The following CROT variants were observed in gnomAD, a reference collection of about 807,000 sequenced individuals.
CROT encodes peroxisomal carnitine O-octanoyltransferase.
Under a neutral mutation model 89.2 loss-of-function variants are expected in CROT, and 84 were observed. That is an observed-to-expected ratio of 0.94 (90% CI 0.79 to 1.13). CROT has a LOEUF of 1.13. Among genes scored for constraint, CROT ranks in the 50% most tolerant of loss-of-function variants. The pLI, the probability that CROT is intolerant of heterozygous loss-of-function variation, is 0.00. For synonymous variants in CROT, 212 were observed against 239.5 expected (o/e 0.89, Z 1.06); for missense variants, 711 against 727.8 (o/e 0.98, Z 0.27).
rs1324147184 is a variant in CROT, at chr7:87,359,251, T to C, written c.161T>C (p.Ile54Thr). ...NQEEYKKTEE[I>T]VQKFQSGIGE... The stretch of plus-strand genomic sequence containing the variant: ...GAAGAATATAAGAAAACTGAAGAAA[T>C]AGTTCAAAAATTTCAAAGTGGGATT... The change falls in exon 4 of 18, where the codon ATA becomes ACA. Residue 54 changes from isoleucine (I) to threonine (T), a missense_variant. By Grantham distance (89) the Ile-to-Thr change is moderately conservative. Transcript: ENST00000331536. The C allele has an allele frequency of 3.8e-6, 6 of 1,590,470 alleles. No individual in the cohort carries two copies. The highest frequency in any genetic ancestry group is 4.3e-6 in the Non-Finnish European group (5 of 1,161,358).
intron 6 of CROT, among the ~76,000 whole-genome samples, chr7:87,365,939 G>A (rs1188542550): frequency 1.3e-5 from 2 of 151,888 alleles, no homozygotes; most frequent in Non-Finnish European, 2.9e-5. Context: ...CTACCCCCTA[G>A]GAGACCATTA....
At chr7:87,382,682 C>A in intron 13 of CROT, 139 bp downstream of exon 13, 1 of 781,294 alleles carries the variant, frequency 1.3e-6, no homozygotes, top group Non-Finnish European at 2.0e-6. Flanking sequence ...GTACTTCCAT[C>A]AATAGAGTAT....
chr7:87,369,719 T>A (rs2115886970), intron 7 of CROT: 1 of 189,772 alleles, frequency 5.3e-6, no homozygotes, highest in South Asian at 1.4e-4. Flanking sequence ...TATTACCAAT[T>A]CCATTCCCTG....
At chr7:87,372,426 A>T (rs1342135233) in intron 7 of CROT, among the ~76,000 whole-genome samples, 1 of 152,214 alleles carries the variant, frequency 6.6e-6, no homozygotes, top group Non-Finnish European at 1.5e-5. Flanking sequence ...AATTTGACAT[A>T]TAATTATTAG....
At chr7:87,350,805 G>A (rs1236808843) in intron 3 of CROT, among the ~76,000 whole-genome samples, 1 of 152,158 alleles carries the variant, frequency 6.6e-6, no homozygotes, top group Admixed American at 6.5e-5. Flanking sequence ...GCCTGGAAGT[G>A]GCTGGTGTCA....
intron 6 of CROT, among the ~76,000 whole-genome samples, chr7:87,362,400 G>C (rs1025765363): frequency 2.0e-5 from 3 of 151,156 alleles, no homozygotes; most frequent in Non-Finnish European, 4.4e-5. Flanking sequence ...GGGCACAAGT[G>C]GTCTTCCTGC....
rs565804188 is a variant in CROT, at chr7:87,350,581, C to T, written c.115+1398C>T. Among the ~76,000 whole-genome samples the T allele has an allele frequency of 4.1e-3, 618 of 152,146 alleles. 4 individuals are homozygous for T. The highest frequency in any genetic ancestry group is 0.014 in the Admixed American group (212 of 15,276). On this transcript the variant is annotated intron_variant, in intron 3 of 17. Transcript: ENST00000331536. ...GGAATTTAGATGTATAACAATATGT[C>T]GTAGAAGGTAATGTTGACCCCTAGT...
intron 4 of CROT, among the ~76,000 whole-genome samples, chr7:87,360,548 C>T (rs981317300): frequency 6.6e-6 from 1 of 152,146 alleles, no homozygotes; most frequent in Non-Finnish European, 1.5e-5. Context: ...GCCATGTTGG[C>T]CAGGCTGGTC....
At chr7:87,372,356 T>G (rs1247519342) in intron 7 of CROT, among the ~76,000 whole-genome samples, 1 of 152,236 alleles carries the variant, frequency 6.6e-6, no homozygotes, top group Non-Finnish European at 1.5e-5. Flanking sequence ...ATCATTTGCT[T>G]TTGTATCTTG....
chr7:87,384,065 C>T (rs1003040856), intron 13 of CROT, among the ~76,000 whole-genome samples: 3 of 152,018 alleles, frequency 2.0e-5, no homozygotes, highest in African/African-American at 7.3e-5. Context: ...CCCTTTTCTC[C>T]ACATCTTTGC....
intron 6 of CROT, among the ~76,000 whole-genome samples, chr7:87,362,198 T>G (rs1806299570): frequency 6.6e-6 from 1 of 152,164 alleles, no homozygotes; most frequent in Non-Finnish European, 1.5e-5. Context: ...ATTACCTGAA[T>G]TGTCTTTTTG....
At chr7:87,348,045 T>G (rs1805746638) in intron 2 of CROT, among the ~76,000 whole-genome samples, 1 of 152,236 alleles carries the variant, frequency 6.6e-6, no homozygotes, top group African/African-American at 2.4e-5. Flanking sequence ...ATGTTTTTGA[T>G]AGTGTTCGAT....
intron 7 of CROT, among the ~76,000 whole-genome samples, chr7:87,374,561 G>A (rs1201149823): frequency 2.0e-5 from 3 of 152,000 alleles, no homozygotes; most frequent in African/African-American, 4.8e-5. Context: ...TATAATTGGA[G>A]CAAAATCAGT....
intron 13 of CROT, among the ~76,000 whole-genome samples, chr7:87,387,001 G>C (rs1807202773): frequency 1.3e-5 from 2 of 152,072 alleles, no homozygotes; most frequent in African/African-American, 4.8e-5. Context: ...AGTATTGTGA[G>C]TCCATGGGAG....
intron 6 of CROT, among the ~76,000 whole-genome samples, chr7:87,365,612 T>G (rs1234007978): frequency 1.3e-5 from 2 of 150,578 alleles, no homozygotes; most frequent in Non-Finnish European, 2.9e-5. Flanking sequence ...GTTTTTTGTT[T>G]TTTGTTTGTC....
In CROT at chr7:87,377,538, G is replaced by T. The variant is rs982501672; in HGVS notation, c.978+88G>T. ...ATAAATACTTGTGCTGGGGAACAGTGTAAGTGAATAGTAATTTAGTTTTAT... is the reference window on the plus strand; with the variant it reads ...ATAAATACTTGTGCTGGGGAACAGTTTAAGTGAATAGTAATTTAGTTTTAT... On this transcript the variant is annotated intron_variant, in intron 10 of 17. Transcript: ENST00000331536. The T allele has an allele frequency of 3.2e-5, 24 of 739,176 alleles. No homozygotes were observed. In the African/African-American group the frequency reaches 4.3e-4, roughly 13 times the overall value. 45.8% of individuals were successfully genotyped at this position (739,176 alleles called of 1,614,324 possible). A position where few individuals can be genotyped will look rare whatever the true frequency, so the allele number is the denominator to read the frequency against.
Position 87,369,493 on chromosome 7 carries a change from A to G in CROT, c.656+9A>G. ...CCGCCAGAGCTTCTCAGGTTTTCAG[A>G]CTACTTTCTTGAGTTTCATTAGGTC... On this transcript the variant is annotated intron_variant, in intron 7 of 17. Coordinates refer to ENST00000331536, the MANE Select transcript of CROT (RefSeq NM_021151.4). 6.9e-6 allele frequency: 11 copies of G among 1,590,352 alleles called. No individual in the cohort carries two copies. Among genetic ancestry groups the G allele is most frequent in the Non-Finnish European group, 9.5e-6 (11 of 1,160,620 alleles).
chr7:87,371,133 TTC>T lies in CROT; in HGVS notation c.656+1651_656+1652del, dbSNP rs1212652321. 2.6e-5 allele frequency among the ~76,000 whole-genome samples: 4 copies of T among 152,340 alleles called. No individual in the cohort carries two copies. In the East Asian group the frequency reaches 7.7e-4, roughly 29 times the overall value. Reference sequence around the variant, plus strand: ...TACCATACAGATTATACATTTTGTGTTCTGTTTTAAAAAATTTTTCCCTAACT... The same window carrying T: ...TACCATACAGATTATACATTTTGTGTTGTTTTAAAAAATTTTTCCCTAACT... On this transcript the variant is annotated intron_variant, in intron 7 of 17. Transcript: ENST00000331536.
chr7:87,366,270 A>G (rs764668948), intron 6 of CROT, among the ~76,000 whole-genome samples: 8 of 151,654 alleles, frequency 5.3e-5, no homozygotes, highest in Non-Finnish European at 1.2e-4. Flanking sequence ...ATAGCACTAC[A>G]GGGCCTGTGG....
Sources: allele counts gnomAD v4.1 joint callset (sites outside exome capture counted in the v4.1 genomes callset), GRCh38; gene constraint gnomAD v4.1.1; transcripts MANE v1.5; gene names NCBI Gene and HGNC (gene_info 2026-07-23, HGNC 2026-07-21).